The following USP53 variants were observed in gnomAD, a reference collection of about 807,000 sequenced individuals.
USP53 encodes ubiquitin specific peptidase 53, also known as ubiquitin carboxyl-terminal hydrolase 53.
Under a neutral mutation model 94.9 loss-of-function variants are expected in USP53, and 71 were observed. That is an observed-to-expected ratio of 0.75 (90% CI 0.62 to 0.91). USP53 has a LOEUF of 0.91. Ranked by LOEUF, USP53 falls within the 40% of genes least tolerant of loss-of-function variation. The pLI, the probability that USP53 is intolerant of heterozygous loss-of-function variation, is 0.00. For synonymous variants in USP53, 375 were observed against 422.7 expected (o/e 0.89, Z 1.39); for missense variants, 1,173 against 1,281.0 (o/e 0.92, Z 1.29).
chr4:119,244,523 C>T (rs1398241308), intron 5 of USP53, among the ~76,000 whole-genome samples: 1 of 152,170 alleles, frequency 6.6e-6, no homozygotes, highest in African/African-American at 2.4e-5. Context: ...GCAGCTGGTA[C>T]TCATTGCATG....
chr4:119,228,456 G>A (rs1371428353), intron 3 of USP53, among the ~76,000 whole-genome samples: 1 of 152,108 alleles, frequency 6.6e-6, no homozygotes, highest in Non-Finnish European at 1.5e-5. Context: ...CCAGATAATC[G>A]CCATATTTTT....
intron 9 of USP53, among the ~76,000 whole-genome samples, chr4:119,259,298 G>C (rs184298911): frequency 0.033 from 5,053 of 151,312 alleles, 110 homozygotes; most frequent in Admixed American, 0.05. Flanking sequence ...AAAAAAAAGG[G>C]GGGGGAGTAA....
chr4:119,253,298 C>T (rs11729897), intron 7 of USP53, among the ~76,000 whole-genome samples: 43,815 of 151,738 alleles, frequency 0.29, 6,480 homozygotes, highest in East Asian at 0.39. Context: ...TGTTGATCTG[C>T]CTAATATTGA....
chr4:119,246,013 G>A (rs78223372), intron 6 of USP53, among the ~76,000 whole-genome samples: 2,186 of 152,192 alleles, frequency 0.014, 42 homozygotes, highest in African/African-American at 0.05. Context: ...AAGGCCTTGA[G>A]GTATGAGTAT....
intron 6 of USP53, among the ~76,000 whole-genome samples, chr4:119,247,241 TCTC>T (rs1264724635): frequency 6.6e-6 from 1 of 152,126 alleles, no homozygotes; most frequent in Non-Finnish European, 1.5e-5. Context: ...CTTGCCTTCC[TCTC>T]CTCCCCTGTC....
Position 119,291,275 on chromosome 4 carries a change from T to C in USP53, c.2348+14T>C. Reference sequence around the variant, plus strand: ...TTTGATAAAAAGGTAACCATATTTTTTTTCCCTAAATACATGTATTATAGG... The same window carrying C: ...TTTGATAAAAAGGTAACCATATTTTCTTTCCCTAAATACATGTATTATAGG... On this transcript the variant is annotated intron_variant, in intron 18 of 18. Transcript: ENST00000692078. The C allele has an allele frequency of 6.4e-7, 1 of 1,550,448 alleles. No homozygotes were observed. Among genetic ancestry groups the C allele is most frequent in the Non-Finnish European group, 8.8e-7 (1 of 1,138,698 alleles).
At position 119,239,547 on chromosome 4, in the gene USP53, T is replaced by G; in HGVS notation, c.-213T>G. Reference sequence around the variant, plus strand: ...TGTTTAAAATAGCTTTCTTTTTTAGTGCTTAGAACTTCAATGTTTATGCAC... The same window carrying G: ...TGTTTAAAATAGCTTTCTTTTTTAGGGCTTAGAACTTCAATGTTTATGCAC... On this transcript the variant is annotated 5_prime_UTR_variant, in exon 5 of 19. Coordinates refer to ENST00000692078, the MANE Select transcript of USP53 (RefSeq NM_001371395.1). The G allele has an allele frequency of 2.0e-6, 1 of 488,660 alleles. No homozygotes were observed. The highest frequency in any genetic ancestry group is 3.4e-6 in the Non-Finnish European group (1 of 290,000). 30.3% of individuals were successfully genotyped at this position (488,660 alleles called of 1,614,324 possible).
chr4:119,233,053 A>G (rs551654291), intron 3 of USP53, among the ~76,000 whole-genome samples: 4 of 152,122 alleles, frequency 2.6e-5, no homozygotes, highest in African/African-American at 7.2e-5. Flanking sequence ...GTATTTTGCT[A>G]GGAAATTACC....
chr4:119,273,804 C>T, intron 17 of USP53, 96 bp downstream of exon 17: 2 of 953,988 alleles, frequency 2.1e-6, no homozygotes, highest in Non-Finnish European at 3.1e-6. Flanking sequence ...TCCTATATGA[C>T]TATAAAAATT....
intron 17 of USP53, among the ~76,000 whole-genome samples, chr4:119,288,132 A>G (rs1477056803): frequency 6.6e-6 from 1 of 152,214 alleles, no homozygotes; most frequent in African/African-American, 2.4e-5. Context: ...GTTATGTCTT[A>G]TATAGGTTAT....
At chr4:119,214,325 A>G (rs1374429420) in intron 2 of USP53, 103 bp downstream of exon 2, 1 of 152,160 alleles carries the variant, frequency 6.6e-6, no homozygotes, top group Non-Finnish European at 1.5e-5. Flanking sequence ...GTTCGTGTTT[A>G]CTGGTGATAA....
intron 17 of USP53, among the ~76,000 whole-genome samples, chr4:119,274,610 C>A (rs1311405981): frequency 6.6e-6 from 1 of 150,416 alleles, no homozygotes; most frequent in East Asian, 2.0e-4. Context: ...GGGTATATAC[C>A]CAGTAATGGG....
chr4:119,232,820 T>C (rs1746242783), intron 3 of USP53, among the ~76,000 whole-genome samples: 1 of 152,186 alleles, frequency 6.6e-6, no homozygotes, highest in African/African-American at 2.4e-5. Context: ...GTATGTTAGC[T>C]TTATGAAATG....
At chr4:119,217,790 G>A (rs112395144) in intron 3 of USP53, 117 bp downstream of exon 3, 4 of 152,302 alleles carry the variant, frequency 2.6e-5, no homozygotes, top group African/African-American at 9.6e-5. Flanking sequence ...GGAGGGCAAA[G>A]CCATGTGGGC....
chr4:119,292,131 T>A (rs1199661842), intron 18 of USP53, among the ~76,000 whole-genome samples: 1 of 152,156 alleles, frequency 6.6e-6, no homozygotes, highest in Non-Finnish European at 1.5e-5. Context: ...TGGTAAACAC[T>A]CACATATTCT....
At chr4:119,248,676 G>C (rs930637305) in intron 6 of USP53, 72 bp from the exon 7 acceptor site, 15 of 1,545,118 alleles carry the variant, frequency 9.7e-6, no homozygotes, top group East Asian at 6.9e-5. Context: ...GAGTTTCTCT[G>C]TGTTGTAATG....
chr4:119,262,856 T>C (rs889184932), intron 12 of USP53, among the ~76,000 whole-genome samples: 1 of 152,226 alleles, frequency 6.6e-6, no homozygotes, highest in African/African-American at 2.4e-5. Context: ...AAAAAACATA[T>C]ATTCCTGGAT....
Position 119,271,288 on chromosome 4 carries a change from T to G in USP53, c.1436-8T>G, listed in dbSNP as rs764633995. 2 of 1,532,362 alleles carry G rather than the reference T, an allele frequency of 1.3e-6. No homozygotes were observed. Among genetic ancestry groups the G allele is most frequent in the Admixed American group, 2.3e-5 (1 of 43,788 alleles). 94.9% of individuals were successfully genotyped at this position (1,532,362 alleles called of 1,614,324 possible). On this transcript the variant is annotated splice_polypyrimidine_tract_variant and splice_region_variant and intron_variant, in intron 15 of 18. Transcript: ENST00000692078. Reference sequence around the variant, plus strand: ...AATTCATGTGTATCTTTAATTTTTTTTTTTAAGATTTGGTTGATGAAGACC... The same window carrying G: ...AATTCATGTGTATCTTTAATTTTTTGTTTTAAGATTTGGTTGATGAAGACC...
At chr4:119,240,005 C>A in intron 5 of USP53, 102 bp downstream of exon 5, 1 of 1,151,604 alleles carries the variant, frequency 8.7e-7, no homozygotes, top group Non-Finnish European at 1.1e-6. Flanking sequence ...TTACTATAGA[C>A]TAGAATGACT....
Sources: allele counts gnomAD v4.1 joint callset (sites outside exome capture counted in the v4.1 genomes callset), GRCh38; gene constraint gnomAD v4.1.1; transcripts MANE v1.5; gene names NCBI Gene and HGNC (gene_info 2026-07-23, HGNC 2026-07-21).